The following HNRNPH1 variants were observed in gnomAD, a reference collection of about 807,000 sequenced individuals.
HNRNPH1 encodes heterogeneous nuclear ribonucleoprotein H1.
A neutral mutation model predicts 58.6 loss-of-function variants in HNRNPH1; 4 were observed. That is an observed-to-expected ratio of 0.07 (90% confidence interval 0.03 to 0.16). The LOEUF (loss-of-function observed/expected upper bound fraction) is 0.16. Among genes scored for constraint, HNRNPH1 ranks in the 10% least tolerant of loss-of-function variants. The pLI is 1.00. For synonymous variants in HNRNPH1, 192 were observed against 189.2 expected (o/e 1.01, Z -0.12); for missense variants, 271 against 564.2 (o/e 0.48, Z 5.26).
intron 2 of HNRNPH1, 37 bp downstream of exon 3, chr5:179,621,205 G>C: frequency 6.3e-7 from 1 of 1,592,114 alleles, no homozygotes; most frequent in Non-Finnish European, 8.6e-7. Flanking sequence ...ATTGTTTAAT[G>C]CTTTATTTAC....
At position 179,622,683 on chromosome 5, in the gene HNRNPH1, C is replaced by G. The variant is rs564217857; in HGVS notation, c.97+354G>C. 1.2e-4 allele frequency among the ~76,000 whole-genome samples: 19 copies of G among 152,284 alleles called. No homozygotes were observed. The East Asian group carries it at 2.9e-3, about 23-fold the overall frequency. ...CCGAGAACGCGCCACTGCACTCCAG[C>G]TTGGGTGACAGAGACTCCAACTCAA... On this transcript the variant is annotated intron_variant, in intron 1 of 12. Transcript: ENST00000356731.
At chr5:179,632,256 C>G (rs1301535000) in intron 2 of HNRNPH1, among the ~76,000 whole-genome samples, 4 of 150,492 alleles carry the variant, frequency 2.7e-5, no homozygotes, top group Non-Finnish European at 4.4e-5. Context: ...TGCAGTGAGC[C>G]AAGATCCCGC....
chr5:179,616,298 C>G, intron 10 of HNRNPH1, 80 bp from the exon 12 acceptor site: 2 of 1,107,822 alleles, frequency 1.8e-6, no homozygotes, highest in Non-Finnish European at 2.8e-6. Flanking sequence ...AATTCTATAG[C>G]TATCATTTTC....
At position 179,614,784 on chromosome 5, in the gene HNRNPH1, G is replaced by GAAA. The variant is rs35827689; in HGVS notation, c.*173_*175dup. 6.4e-3 allele frequency: 2,852 copies of GAAA among 445,412 alleles called. 1 individual carries two copies. Among genetic ancestry groups the GAAA allele is most frequent in the South Asian group, 0.017 (657 of 39,586 alleles). The allele number at this position is 445,412 out of a possible 1,614,324, so 27.6% of individuals were successfully genotyped here. On this transcript the variant is annotated 3_prime_UTR_variant, in exon 13 of 13. Transcript: ENST00000356731. ...ACTGTTAAACTGAAGTTTTCTTAAAGAAAAAAAAAAAAAAAAAAAAAAGGT... is the reference window on the plus strand; with the variant it reads ...ACTGTTAAACTGAAGTTTTCTTAAAGAAAAAAAAAAAAAAAAAAAAAAAAAGGT...
chr5:179,616,148 G>T (rs769953300), exon 11 of HNRNPH1: 2 of 1,613,768 alleles, frequency 1.2e-6, no homozygotes, highest in African/African-American at 2.7e-5. Flanking sequence ...TGCTGCTCTG[G>T]CCACCGTAGC....
upstream of HNRNPH1, chr5:179,629,106 G>T (rs1209513423): frequency 6.8e-6 from 1 of 146,738 alleles, no homozygotes; most frequent in Admixed American, 6.7e-5. Flanking sequence ...GACCATCCTG[G>T]ATAACACAGT....
At chr5:179,616,633 T>C in intron 10 of HNRNPH1, 1 of 553,480 alleles carries the variant, frequency 1.8e-6, no homozygotes, top group Non-Finnish European at 3.2e-6. Flanking sequence ...ATTTAAGTAG[T>C]TTCACTCCGT....
chr5:179,620,894 G>A (rs1323182213), exon 3 of HNRNPH1: 17 of 1,613,924 alleles, frequency 1.1e-5, no homozygotes, highest in Non-Finnish European at 1.4e-5. Flanking sequence ...CTACATACCT[G>A]AGAAGAACTG....
At chr5:179,624,181 C>T (rs545007636) in exon 1 of HNRNPH1, 1 of 245,844 alleles carries the variant, frequency 4.1e-6, no homozygotes. Context: ...CCTTTATCCC[C>T]AAACCGGCCG....
At chr5:179,614,784 GAAAAAAAA>G (rs35827689) in exon 13 of HNRNPH1, 41 of 446,152 alleles carry the variant, frequency 9.2e-5, no homozygotes, top group Middle Eastern at 6.9e-4. Context: ...TTTTCTTAAA[GAAAAAAAA>G]AAAAAAAAAA....
At chr5:179,617,442 TCCA>T in intron 8 of HNRNPH1, 69 bp downstream of exon 9, 2 of 1,504,958 alleles carry the variant, frequency 1.3e-6, no homozygotes, top group Admixed American at 1.9e-5. Flanking sequence ...TCCTTATTTT[TCCA>T]TTTCTCTATT....
chr5:179,633,652 T>C (rs1162652105), intron 2 of HNRNPH1, among the ~76,000 whole-genome samples: 1 of 152,000 alleles, frequency 6.6e-6, no homozygotes, highest in African/African-American at 2.4e-5. Context: ...CAGTGGCTCA[T>C]GCCTGCAATA....
At chr5:179,629,296 CAAA>C (rs375223570), upstream of HNRNPH1, 3 of 138,584 alleles carry the variant, frequency 2.2e-5, no homozygotes, top group Admixed American at 7.2e-5. Flanking sequence ...GACTCCGTCT[CAAA>C]AAAAAAAAAA....
At chr5:179,619,581 T>C in intron 3 of HNRNPH1, 174 bp from the exon 5 acceptor site, 1 of 553,560 alleles carries the variant, frequency 1.8e-6, no homozygotes, top group Non-Finnish European at 3.2e-6. Context: ...TCCATTATTA[T>C]AAAGTATAAC....
At chr5:179,632,125 T>G (rs1426229989) in intron 2 of HNRNPH1, among the ~76,000 whole-genome samples, 1 of 151,708 alleles carries the variant, frequency 6.6e-6, no homozygotes, top group Admixed American at 6.6e-5. Flanking sequence ...GCTAACACGG[T>G]GAAACCCCGT....
At chr5:179,632,038 G>A (rs1222734822) in intron 2 of HNRNPH1, among the ~76,000 whole-genome samples, 1 of 152,120 alleles carries the variant, frequency 6.6e-6, no homozygotes. Flanking sequence ...CGGGCGCGGC[G>A]GCTCACGCCT....
chr5:179,614,779 T>C (rs1768651474), exon 13 of HNRNPH1: 1 of 845,278 alleles, frequency 1.2e-6, no homozygotes, highest in African/African-American at 2.3e-5. Flanking sequence ...TGAAGTTTTC[T>C]TAAAGAAAAA....
exon 1 of HNRNPH1, chr5:179,624,267 T>G (rs4590149): frequency 1 from 376,842 of 378,474 alleles, 187,636 homozygotes; most frequent in East Asian, 1. Context: ...AAGCCACCCG[T>G]ATGGTGCCTG....
Position 179,616,231 on chromosome 5 carries a change from G to C in HNRNPH1, c.1208-13C>G. ...CTGGACTGGTTTGCTGTTAAGTTAAGAAAACATTAGAACCTTTTTTCTTAT... is the reference window on the plus strand; with the variant it reads ...CTGGACTGGTTTGCTGTTAAGTTAACAAAACATTAGAACCTTTTTTCTTAT... On this transcript the variant is annotated splice_polypyrimidine_tract_variant and intron_variant, in intron 10 of 12. Transcript: ENST00000356731. The C allele has an allele frequency of 6.2e-7, 1 of 1,603,144 alleles. No individual in the cohort carries two copies. The highest frequency in any genetic ancestry group is 8.5e-7 in the Non-Finnish European group (1 of 1,170,348).
Sources: allele counts gnomAD v4.1 joint callset (sites outside exome capture counted in the v4.1 genomes callset), GRCh38; gene constraint gnomAD v4.1.1; transcripts MANE v1.5; gene names NCBI Gene and HGNC (gene_info 2026-07-23, HGNC 2026-07-21).